Variants in THSD4 observed in about 807,000 individuals in gnomAD.
The protein encoded by THSD4 is thrombospondin type 1 domain containing 4.
In THSD4, 69 loss-of-function variants were observed where a neutral mutation model predicts 119.0. The ratio of observed to expected loss-of-function variants is 0.58; its 90% CI spans 0.48 to 0.71. THSD4 has a LOEUF of 0.71. Among genes scored for constraint, THSD4 ranks in the 30% least tolerant of loss-of-function variants. The pLI, the probability that THSD4 is intolerant of heterozygous loss-of-function variation, is 0.00. For synonymous variants in THSD4, 524 were observed against 540.4 expected, an observed-to-expected ratio of 0.97 and a Z score of 0.42; for missense variants, 1,393 against 1,391.1, an observed-to-expected ratio of 1.00 and a Z score of -0.02.
intron 6 of THSD4, among the ~76,000 whole-genome samples, chr15:71,259,545 C>A (rs1342847746): frequency 2.0e-5 from 3 of 152,178 alleles, no homozygotes; most frequent in Non-Finnish European, 4.4e-5. Flanking sequence ...CCAAAGTGAG[C>A]AACTGCCTCA....
chr15:71,438,737 A>G (rs978381139), intron 7 of THSD4, among the ~76,000 whole-genome samples: 1 of 152,210 alleles, frequency 6.6e-6, no homozygotes, highest in African/African-American at 2.4e-5. Context: ...ATTAGAACAT[A>G]CATTTCGAAA....
intron 7 of THSD4, among the ~76,000 whole-genome samples, chr15:71,489,561 T>C (rs2047880566): frequency 6.6e-6 from 1 of 152,094 alleles, no homozygotes; most frequent in African/African-American, 2.4e-5. Context: ...GCATTATTTT[T>C]AGGGCTTTAT....
At chr15:71,357,992 CTG>C (rs1255164248) in intron 6 of THSD4, among the ~76,000 whole-genome samples, 1 of 152,226 alleles carries the variant, frequency 6.6e-6, no homozygotes, top group Non-Finnish European at 1.5e-5. Context: ...TCTGTGAAGA[CTG>C]TGGGACTCAG....
At chr15:71,725,924 G>A (rs192875834) in intron 8 of THSD4, among the ~76,000 whole-genome samples, 3 of 152,164 alleles carry the variant, frequency 2.0e-5, no homozygotes, top group Non-Finnish European at 2.9e-5. Context: ...TGGGATTACA[G>A]GCATGCGCCA....
At chr15:71,106,438 T>TG (rs1229791564) in intron 1 of THSD4, among the ~76,000 whole-genome samples, 11 of 152,164 alleles carry the variant, frequency 7.2e-5, no homozygotes, top group African/African-American at 2.6e-4. Flanking sequence ...GCAGATCTGT[T>TG]GGGGGAGTTT....
Position 71,777,281 on chromosome 15 carries a change from A to G in THSD4, c.2964A>G (p.Ala988=), listed in dbSNP as rs2053931359. ...ACAACTGCAACGTGGTGGTCCAGGC[A>G]AGACTCTGTGTCTACAACTACTACA... ...KYYNCNVVVQ[A]RLCVYNYYKT... The change falls in exon 18 of 18, where the codon GCA becomes GCG. Residue 988 remains alanine, a synonymous_variant. Transcript: ENST00000261862. 4 of 1,614,116 alleles carry G rather than the reference A, an allele frequency of 2.5e-6. No individual in the cohort carries two copies. The highest frequency in any genetic ancestry group is 3.4e-6 in the Non-Finnish European group (4 of 1,180,042).
chr15:71,731,496 A>C (rs1217811069), intron 10 of THSD4: 1 of 398,522 alleles, frequency 2.5e-6, no homozygotes, highest in African/African-American at 2.0e-5. Flanking sequence ...ACTAGTTTCC[A>C]GGCCAGACAA....
chr15:71,699,559 C>T (rs7164371), intron 8 of THSD4, among the ~76,000 whole-genome samples: 30,220 of 152,072 alleles, frequency 0.2, 3,580 homozygotes, highest in African/African-American at 0.34. Context: ...CAGAGTTTGC[C>T]AAAGCCACAT....
intron 7 of THSD4, among the ~76,000 whole-genome samples, chr15:71,591,309 A>T (rs1043344559): frequency 2.0e-5 from 3 of 152,194 alleles, no homozygotes; most frequent in Non-Finnish European, 4.4e-5. Flanking sequence ...TAGCCTTTCA[A>T]GGCTGCCCTG....
At chr15:71,568,247 A>T (rs1426686441) in intron 7 of THSD4, among the ~76,000 whole-genome samples, 1 of 152,142 alleles carries the variant, frequency 6.6e-6, no homozygotes, top group Admixed American at 6.5e-5. Context: ...TCTTGCCCAT[A>T]CATCAACCTT....
At chr15:71,279,405 T>C (rs887705319) in intron 6 of THSD4, among the ~76,000 whole-genome samples, 11 of 152,222 alleles carry the variant, frequency 7.2e-5, no homozygotes, top group Non-Finnish European at 1.5e-4. Flanking sequence ...AAGCCGGCTT[T>C]GGAGGTTGTA....
At chr15:71,727,543 AAAAAAAAAAAATATATATATAT>A (rs1424126746) in intron 8 of THSD4, among the ~76,000 whole-genome samples, 2 of 39,880 alleles carry the variant, frequency 5.0e-5, no homozygotes, top group Non-Finnish European at 5.3e-5. Context: ...AAAAAAAAAA[AAAAAAAAAAAATATATATATAT>A]ATATATATAT....
At chr15:71,704,349 G>A (rs1378442784) in intron 8 of THSD4, among the ~76,000 whole-genome samples, 2 of 152,170 alleles carry the variant, frequency 1.3e-5, no homozygotes, top group Non-Finnish European at 2.9e-5. Flanking sequence ...GGGAGGGTCC[G>A]GGTGGGAGGT....
chr15:71,162,994 G>T (rs2141392007), intron 3 of THSD4, among the ~76,000 whole-genome samples: 1 of 151,900 alleles, frequency 6.6e-6, no homozygotes, highest in South Asian at 2.1e-4. Context: ...TTGTATATCT[G>T]TCTCTTTATT....
At chr15:71,603,153 T>TG (rs1458043341) in intron 7 of THSD4, among the ~76,000 whole-genome samples, 16 of 152,246 alleles carry the variant, frequency 1.1e-4, no homozygotes, top group African/African-American at 3.9e-4. Context: ...GTAGAACTGA[T>TG]GTAGAGCTTT....
chr15:71,314,976 A>G (rs1284333112), intron 6 of THSD4, among the ~76,000 whole-genome samples: 1 of 152,158 alleles, frequency 6.6e-6, no homozygotes, highest in East Asian at 1.9e-4. Context: ...TTTTCTAAAG[A>G]TTCAGGCTCA....
intron 3 of THSD4, among the ~76,000 whole-genome samples, chr15:71,189,904 G>A (rs1402401911): frequency 2.0e-5 from 3 of 152,178 alleles, no homozygotes; most frequent in African/African-American, 7.2e-5. Context: ...GCTACTCTGA[G>A]GAGGATACTC....
intron 7 of THSD4, among the ~76,000 whole-genome samples, chr15:71,578,445 A>G (rs1462323533): frequency 2.0e-5 from 3 of 152,082 alleles, no homozygotes; most frequent in African/African-American, 7.2e-5. Flanking sequence ...TATTTTTTTA[A>G]TGGTTAAATT....
intron 3 of THSD4, among the ~76,000 whole-genome samples, chr15:71,174,653 G>A (rs2043426674): frequency 1.7e-5 from 2 of 115,314 alleles, no homozygotes; most frequent in South Asian, 7.4e-4. Context: ...AAGGAGGCCT[G>A]CCTGCCTCTG....
Sources: allele counts gnomAD v4.1 joint callset (sites outside exome capture counted in the v4.1 genomes callset), GRCh38; gene constraint gnomAD v4.1.1; transcripts MANE v1.5; gene names NCBI Gene and HGNC (gene_info 2026-07-23, HGNC 2026-07-21).